Variants in OSBPL9 observed in about 807,000 individuals in gnomAD.
The protein encoded by OSBPL9 is oxysterol-binding protein-related protein 9.
A neutral mutation model predicts 106.6 loss-of-function variants in OSBPL9; 40 were observed. That is an observed-to-expected ratio of 0.38 (90% CI 0.29 to 0.49). OSBPL9 has a LOEUF of 0.49. Among genes scored for constraint, OSBPL9 ranks in the 20% least tolerant of loss-of-function variants. OSBPL9 has a pLI of 0.97. For synonymous variants in OSBPL9, 269 were observed against 295.4 expected (o/e 0.91, Z 0.92); for missense variants, 609 against 887.2 (o/e 0.69, Z 3.98).
chr1:51,533,485 CAAAA>C, the OSBPL9 span, among the ~76,000 whole-genome samples: 23 of 54,450 alleles, frequency 4.2e-4, no homozygotes, highest in African/African-American at 1.3e-3. Context: ...GACTCTGTCT[CAAAA>C]AAAAAAAAAA....
At chr1:51,746,841 C>A in intron 6 of OSBPL9, 84 bp downstream of exon 6, 2 of 1,081,500 alleles carry the variant, frequency 1.8e-6, no homozygotes, top group African/African-American at 1.6e-5. Context: ...TGTGTTTTTA[C>A]TTACTATAAT....
At chr1:51,694,369 A>G (rs1028471520) in intron 3 of OSBPL9, among the ~76,000 whole-genome samples, 2 of 152,324 alleles carry the variant, frequency 1.3e-5, no homozygotes, top group African/African-American at 2.4e-5. Context: ...TATGCATTCA[A>G]TCTATTATGA....
intron 4 of OSBPL9, among the ~76,000 whole-genome samples, chr1:51,736,763 G>A (rs1275932206): frequency 6.6e-6 from 1 of 152,084 alleles, no homozygotes; most frequent in African/African-American, 2.4e-5. Flanking sequence ...TTAATCTGAG[G>A]TTGGGGAATG....
intron 3 of OSBPL9, among the ~76,000 whole-genome samples, chr1:51,703,270 A>C (rs1020047472): frequency 2.0e-5 from 3 of 152,210 alleles, no homozygotes; most frequent in Non-Finnish European, 4.4e-5. Context: ...CTTCCTACCC[A>C]TGAGCATGGA....
intron 8 of OSBPL9, among the ~76,000 whole-genome samples, chr1:51,754,035 GA>G (rs1669823841): frequency 6.6e-6 from 1 of 152,210 alleles, no homozygotes; most frequent in South Asian, 2.1e-4. Context: ...ACCCTTGGTG[GA>G]GACAGCTGAT....
In OSBPL9 at chr1:51,788,988, G is replaced by T. The variant is rs1173370938; in HGVS notation, c.*1199G>T. Reference sequence around the variant, plus strand: ...TCAGTCTGAGAGGACACAGGCCAGGGCTTCTCAAAGTGCTGCTGCAGGCTT... The same window carrying T: ...TCAGTCTGAGAGGACACAGGCCAGGTCTTCTCAAAGTGCTGCTGCAGGCTT... On this transcript the variant is annotated 3_prime_UTR_variant, in exon 24 of 24. Coordinates refer to ENST00000428468, the MANE Select transcript of OSBPL9 (RefSeq NM_024586.6). Among the ~76,000 whole-genome samples, 1 of 152,160 alleles carries T rather than the reference G, an allele frequency of 6.6e-6. No individual in the cohort carries two copies. The highest frequency in any genetic ancestry group is 1.9e-4 in the East Asian group (1 of 5,204).
At chr1:51,710,824 T>C (rs1484881694) in intron 3 of OSBPL9, among the ~76,000 whole-genome samples, 1 of 152,214 alleles carries the variant, frequency 6.6e-6, no homozygotes, top group Admixed American at 6.5e-5. Context: ...TGCAGTATTT[T>C]TACTGAGATG....
intron 4 of OSBPL9, among the ~76,000 whole-genome samples, chr1:51,716,346 C>T (rs975446466): frequency 4.6e-5 from 7 of 152,246 alleles, no homozygotes; most frequent in South Asian, 2.1e-4. Context: ...CCACCACTTA[C>T]ATTTAACCAT....
At chr1:51,660,745 C>G (rs950471657) in intron 2 of OSBPL9, among the ~76,000 whole-genome samples, 1 of 152,160 alleles carries the variant, frequency 6.6e-6, no homozygotes, top group African/African-American at 2.4e-5. Flanking sequence ...CCATTCTGCT[C>G]CCTTCTATAT....
chr1:51,692,289 G>A (rs1465750194), intron 3 of OSBPL9, among the ~76,000 whole-genome samples: 2 of 152,070 alleles, frequency 1.3e-5, no homozygotes, highest in Non-Finnish European at 2.9e-5. Flanking sequence ...CTCTAACCTG[G>A]GCAACAGAGT....
chr1:51,545,520 T>C, the OSBPL9 span, among the ~76,000 whole-genome samples: 1 of 152,178 alleles, frequency 6.6e-6, no homozygotes, highest in African/African-American at 2.4e-5. Flanking sequence ...GGCTCACACC[T>C]ATAATCCCAG....
intron 13 of OSBPL9, 93 bp from the exon 14 acceptor site, chr1:51,772,512 T>C (rs1674155753): frequency 9.4e-6 from 10 of 1,067,070 alleles, no homozygotes; most frequent in Non-Finnish European, 1.5e-5. Flanking sequence ...TGAGACTCCA[T>C]CTCAAACAAA....
At chr1:51,615,912 A>G (rs1019596005), upstream of OSBPL9, among the ~76,000 whole-genome samples, 1 of 151,756 alleles carries the variant, frequency 6.6e-6, no homozygotes, top group Non-Finnish European at 1.5e-5. Flanking sequence ...CTTTCACCAC[A>G]GAATTTAAGC....
At chr1:51,556,789 G>C in the OSBPL9 span, among the ~76,000 whole-genome samples, 1 of 124,318 alleles carries the variant, frequency 8.0e-6, no homozygotes, top group Admixed American at 7.7e-5. Flanking sequence ...CTGTCTCAAA[G>C]AAACAAAAAA....
At chr1:51,748,287 C>T in intron 6 of OSBPL9, 82 bp from the exon 7 acceptor site, 1 of 1,456,200 alleles carries the variant, frequency 6.9e-7, no homozygotes, top group East Asian at 2.7e-5. Flanking sequence ...TGGTAAAATT[C>T]TTTAAATGAC....
At chr1:51,528,212 C>A in the OSBPL9 span, among the ~76,000 whole-genome samples, 1 of 151,548 alleles carries the variant, frequency 6.6e-6, no homozygotes, top group Non-Finnish European at 1.5e-5. Context: ...TAAAAAACAT[C>A]CATATTGAAA....
the OSBPL9 span, among the ~76,000 whole-genome samples, chr1:51,527,074 G>T: frequency 1.3e-5 from 2 of 151,850 alleles, no homozygotes; most frequent in African/African-American, 4.8e-5. Context: ...AGAATTATAC[G>T]CTAGGACCCC....
chr1:51,767,962 T>TG (rs1342602371), intron 12 of OSBPL9, among the ~76,000 whole-genome samples: 8 of 141,510 alleles, frequency 5.7e-5, no homozygotes, highest in African/African-American at 2.2e-4. Context: ...TTTTTTTTTT[T>TG]TGAGACACAG....
rs536584408 is a variant in OSBPL9 at position 51,622,855 on chromosome 1, T to C, written c.111+5634T>C. 1.3e-5 allele frequency among the ~76,000 whole-genome samples: 2 copies of C among 152,322 alleles called. 1 individual carries two copies. Among genetic ancestry groups the C allele is most frequent in the Admixed American group, 1.3e-4 (2 of 15,290 alleles). ...CACTCATGCTCCTGGGGATGGGAAT[T>C]TCAGACATGAGGAGGGAAATTAGGC... On this transcript the variant is annotated intron_variant, in intron 1 of 23. Transcript: ENST00000428468.
Sources: allele counts gnomAD v4.1 joint callset (sites outside exome capture counted in the v4.1 genomes callset), GRCh38; gene constraint gnomAD v4.1.1; transcripts MANE v1.5; gene names NCBI Gene and HGNC (gene_info 2026-07-23, HGNC 2026-07-21).